Variants in POU2F1 observed in about 807,000 individuals in gnomAD.
POU2F1 encodes POU domain, class 2, transcription factor 1.
Under a neutral mutation model 84.9 loss-of-function variants are expected in POU2F1, and 16 were observed. That is an observed-to-expected ratio of 0.19 (90% CI 0.13 to 0.29). The LOEUF (loss-of-function observed/expected upper bound fraction) is 0.29. POU2F1 is among the 10% of genes least tolerant of loss of function. POU2F1 has a pLI of 1.00. For synonymous variants in POU2F1, 368 were observed against 368.3 expected, an observed-to-expected ratio of 1.00 and a Z score of 0.01; for missense variants, 738 against 942.6, an observed-to-expected ratio of 0.78 and a Z score of 2.84.
At chr1:167,338,271 T>G in intron 2 of POU2F1, 1 of 458,020 alleles carries the variant, frequency 2.2e-6, no homozygotes, top group Non-Finnish European at 4.4e-6. Flanking sequence ...AAATATATTT[T>G]CTCTCACTTA....
At chr1:167,258,710 A>T (rs1364131829) in intron 1 of POU2F1, among the ~76,000 whole-genome samples, 3 of 152,232 alleles carry the variant, frequency 2.0e-5, no homozygotes, top group Non-Finnish European at 4.4e-5. Flanking sequence ...ATACTTATAT[A>T]ACAAGAGAGA....
rs562211264 is a variant in POU2F1 at position 167,416,309 on chromosome 1, T to C, written c.*499T>C. 3 of 248,562 alleles carry C rather than the reference T, an allele frequency of 1.2e-5. No individual in the cohort carries two copies. The highest frequency in any genetic ancestry group is 2.4e-5 in the Non-Finnish European group (3 of 127,126). 15.4% of individuals were successfully genotyped at this position (248,562 alleles called of 1,614,324 possible). On this transcript the variant is annotated 3_prime_UTR_variant, in exon 16 of 16. Transcript: ENST00000367866. ...GGCCATTAAGTCATAACAAGGTGTT[T>C]ATAATCGTATCAATTGTGTTGGGGG...
At chr1:167,245,731 A>C (rs1444886564) in intron 1 of POU2F1, among the ~76,000 whole-genome samples, 4 of 151,892 alleles carry the variant, frequency 2.6e-5, no homozygotes, top group Non-Finnish European at 4.4e-5. Context: ...TAAAAAAAAA[A>C]CTTTTTTTGT....
At chr1:167,249,306 C>T (rs1197131211) in intron 1 of POU2F1, among the ~76,000 whole-genome samples, 5 of 152,216 alleles carry the variant, frequency 3.3e-5, no homozygotes, top group Non-Finnish European at 5.9e-5. Flanking sequence ...GTAAACTCCT[C>T]TAAACTCCCT....
At chr1:167,230,135 A>G (rs1648948623) in intron 1 of POU2F1, among the ~76,000 whole-genome samples, 1 of 152,152 alleles carries the variant, frequency 6.6e-6, no homozygotes, top group Non-Finnish European at 1.5e-5. Flanking sequence ...TCCCATTACC[A>G]TCCTTGCAAC....
In POU2F1 at chr1:167,423,029, T is replaced by C. The variant is rs1444559599; in HGVS notation, c.*7219T>C. 3 of 152,208 alleles carry C rather than the reference T, an allele frequency of 2.0e-5. No homozygotes were observed. Among genetic ancestry groups the C allele is most frequent in the African/African-American group, 7.2e-5 (3 of 41,448 alleles). 9.4% of individuals were successfully genotyped at this position (152,208 alleles called of 1,614,324 possible). ...TGAGAAATTTGGGGAGGGCAAAAGA[T>C]AGGGGTAGAATTTTTTCATTATTTC... is the stretch of plus-strand genomic sequence containing the variant. On this transcript the variant is annotated 3_prime_UTR_variant, in exon 16 of 16. Coordinates refer to ENST00000367866, the MANE Select transcript of POU2F1 (RefSeq NM_002697.4).
chr1:167,392,568 A>T (rs550665243), intron 9 of POU2F1, among the ~76,000 whole-genome samples: 1 of 152,298 alleles, frequency 6.6e-6, no homozygotes, highest in Non-Finnish European at 1.5e-5. Context: ...CTTTTACTCA[A>T]ATAGTGGTTT....
At chr1:167,340,456 G>T (rs1394645176) in intron 2 of POU2F1, among the ~76,000 whole-genome samples, 5 of 115,020 alleles carry the variant, frequency 4.3e-5, no homozygotes, top group Non-Finnish European at 6.9e-5. Flanking sequence ...TTTGGAGACA[G>T]AGTCTCACTC....
chr1:167,253,709 G>A (rs1250774844), intron 1 of POU2F1, among the ~76,000 whole-genome samples: 1 of 152,082 alleles, frequency 6.6e-6, no homozygotes, highest in Non-Finnish European at 1.5e-5. Context: ...TTATAAGCCT[G>A]AGCCACCACG....
chr1:167,248,916 G>A (rs1181539502), intron 1 of POU2F1, among the ~76,000 whole-genome samples: 2 of 152,128 alleles, frequency 1.3e-5, no homozygotes, highest in Non-Finnish European at 2.9e-5. Context: ...GGTACAGAAA[G>A]AGAAAATAAC....
In POU2F1 at chr1:167,340,322, C is replaced by A. The variant is rs373382695; in HGVS notation, c.127+7787C>A. 2.0e-5 allele frequency among the ~76,000 whole-genome samples: 3 copies of A among 152,192 alleles called. No homozygotes were observed. In the East Asian group the frequency reaches 5.8e-4, roughly 29 times the overall value. ...CTCGAACTCCTGACCTCAGGTGATC[C>A]GCCCACCTTGGCTTCCCAAAGTGCT... On this transcript the variant is annotated intron_variant, in intron 2 of 15. Transcript: ENST00000367866.
At chr1:167,349,000 T>A (rs1658385058) in intron 2 of POU2F1, among the ~76,000 whole-genome samples, 1 of 152,194 alleles carries the variant, frequency 6.6e-6, no homozygotes, top group Admixed American at 6.5e-5. Context: ...TTTACTTGTC[T>A]GCCACCCAAA....
intron 2 of POU2F1, among the ~76,000 whole-genome samples, chr1:167,348,240 A>G (rs923991919): frequency 3.3e-5 from 5 of 152,186 alleles, no homozygotes; most frequent in Non-Finnish European, 1.5e-5. Flanking sequence ...ACACAGTGGT[A>G]TTTGTGTATC....
At chr1:167,326,712 G>C (rs1369376167) in intron 1 of POU2F1, among the ~76,000 whole-genome samples, 3 of 152,134 alleles carry the variant, frequency 2.0e-5, no homozygotes, top group Non-Finnish European at 4.4e-5. Context: ...TACAGGTCTT[G>C]TGGGACTCCC....
chr1:167,383,658 T>G, intron 7 of POU2F1, 199 bp from the exon 8 acceptor site: 1 of 482,516 alleles, frequency 2.1e-6, no homozygotes, highest in South Asian at 2.7e-5. Context: ...CAGTTTTAAT[T>G]TAATGTTGTA....
chr1:167,334,151 CTTTTTTT>C (rs57242474), intron 2 of POU2F1, among the ~76,000 whole-genome samples: 10 of 66,818 alleles, frequency 1.5e-4, no homozygotes, highest in Non-Finnish European at 2.3e-4. Flanking sequence ...AACTACAACA[CTTTTTTT>C]TTTTTTTTTT....
At chr1:167,410,561 A>C (rs999340388) in intron 13 of POU2F1, among the ~76,000 whole-genome samples, 2 of 151,872 alleles carry the variant, frequency 1.3e-5, no homozygotes, top group Non-Finnish European at 2.9e-5. Flanking sequence ...CGTCACCCAG[A>C]CTGGAGTGTA....
rs1287025433 is a variant in POU2F1 at position 167,423,414 on chromosome 1, T to C, written c.*7604T>C. 1 of 152,216 alleles carries C rather than the reference T, an allele frequency of 6.6e-6. No homozygotes were observed. Among genetic ancestry groups the C allele is most frequent in the Non-Finnish European group, 1.5e-5 (1 of 68,042 alleles). The allele number at this position is 152,216 out of a possible 1,614,324, so 9.4% of individuals were successfully genotyped here. On this transcript the variant is annotated 3_prime_UTR_variant, in exon 16 of 16. Transcript: ENST00000367866. ...TTGTTCTGACATTATGTAAAGGTGGTATTAATATTGTATGACTTGTCAAAG... is the reference window on the plus strand; with the variant it reads ...TTGTTCTGACATTATGTAAAGGTGGCATTAATATTGTATGACTTGTCAAAG...
Position 167,423,701 on chromosome 1 carries a change from AT to A in POU2F1, c.*7894del, listed in dbSNP as rs1240292899. The A allele has an allele frequency of 2.0e-5, 3 of 152,218 alleles. No homozygotes were observed. The highest frequency in any genetic ancestry group is 7.2e-5 in the African/African-American group (3 of 41,444). 9.4% of individuals were successfully genotyped at this position (152,218 alleles called of 1,614,324 possible). A position where few individuals can be genotyped will look rare whatever the true frequency, so the allele number is the denominator to read the frequency against. ...TCAAAAAGTTAAGACCCCAAAACTAATTTACTGTAAAAAACATTGAGGACTG... is the reference window on the plus strand; with the variant it reads ...TCAAAAAGTTAAGACCCCAAAACTAATTACTGTAAAAAACATTGAGGACTG... On this transcript the variant is annotated 3_prime_UTR_variant, in exon 16 of 16. Transcript: ENST00000367866.
Sources: allele counts gnomAD v4.1 joint callset (sites outside exome capture counted in the v4.1 genomes callset), GRCh38; gene constraint gnomAD v4.1.1; transcripts MANE v1.5; gene names NCBI Gene and HGNC (gene_info 2026-07-23, HGNC 2026-07-21).